Variants in LRIF1 observed in about 807,000 individuals in gnomAD.
LRIF1 encodes ligand-dependent nuclear receptor-interacting factor 1.
Under a neutral mutation model 52.7 loss-of-function variants are expected in LRIF1, and 32 were observed. That is an observed-to-expected ratio of 0.61 (90% CI 0.46 to 0.82). LRIF1 has a LOEUF of 0.82. Ranked by LOEUF, LRIF1 falls within the 40% of genes least tolerant of loss-of-function variation. The probability of loss-of-function intolerance (pLI) is 0.00; values close to 1 mark genes in which losing one functional copy is unlikely to be tolerated. For missense variants in LRIF1, 887 were observed against 892.0 expected, an observed-to-expected ratio of 0.99 and a Z score of 0.07; for synonymous variants, 323 against 317.4, an observed-to-expected ratio of 1.02 and a Z score of -0.19.
At chr1:110,913,254 A>T in the LRIF1 span, among the ~76,000 whole-genome samples, 24 of 152,358 alleles carry the variant, frequency 1.6e-4, no homozygotes, top group Non-Finnish European at 2.6e-4. Context: ...CATTCTAGAC[A>T]TAGGTCTTGG....
chr1:110,911,260 T>C, the LRIF1 span, among the ~76,000 whole-genome samples: 1 of 151,888 alleles, frequency 6.6e-6, no homozygotes, highest in Non-Finnish European at 1.5e-5. Flanking sequence ...AATGGATGAA[T>C]TCTTAGAAGC....
chr1:110,914,361 C>T, the LRIF1 span, among the ~76,000 whole-genome samples: 1 of 152,036 alleles, frequency 6.6e-6, no homozygotes, highest in African/African-American at 2.4e-5. Flanking sequence ...GAGAAAAAGA[C>T]AGATAATCCA....
chr1:110,929,509 T>A, the LRIF1 span, among the ~76,000 whole-genome samples: 88 of 152,346 alleles, frequency 5.8e-4, 1 homozygote, highest in Non-Finnish European at 8.7e-4. Flanking sequence ...ATTTCTCTAC[T>A]GCTCAGTGAT....
chr1:110,898,935 C>A, the LRIF1 span, among the ~76,000 whole-genome samples: 4 of 152,140 alleles, frequency 2.6e-5, no homozygotes, highest in East Asian at 7.7e-4. Flanking sequence ...TCATCATTGA[C>A]CCCGTTTCTC....
intron 3 of LRIF1, among the ~76,000 whole-genome samples, chr1:110,949,494 A>C (rs1438022302): frequency 6.8e-6 from 1 of 147,340 alleles, no homozygotes; most frequent in Non-Finnish European, 1.5e-5. Context: ...ATCTCGGTTC[A>C]CTACAAACTC....
chr1:110,949,955 C>T lies in LRIF1; in HGVS notation c.1765G>A (p.Asp589Asn), dbSNP rs1383791310. 1 of 1,614,084 alleles carries T rather than the reference C, an allele frequency of 6.2e-7. No individual in the cohort carries two copies. The highest frequency in any genetic ancestry group is 8.5e-7 in the Non-Finnish European group (1 of 1,180,008). ...AAACCTTCTCCAGAGGTCAAATGGT[C>T]AGGAATTCGAGTAAGGCACACTCTC... ...DLRVCLTRIP[D>N]HLTSGEGFDS... The change falls in exon 3 of 4, where the codon GAC becomes AAC. Residue 589 changes from aspartate to asparagine, a missense_variant. Physicochemically the swap from Asp to Asn is conservative, Grantham distance 23 (BLOSUM62 1). Transcript: ENST00000369763.
intron 3 of LRIF1, among the ~76,000 whole-genome samples, chr1:110,948,671 T>C (rs1658317671): frequency 6.6e-6 from 1 of 152,212 alleles, no homozygotes; most frequent in Non-Finnish European, 1.5e-5. Context: ...AGAAATATAA[T>C]AGCACTTGTA....
chr1:110,916,015 T>C, the LRIF1 span, among the ~76,000 whole-genome samples: 1 of 152,146 alleles, frequency 6.6e-6, no homozygotes, highest in Non-Finnish European at 1.5e-5. Context: ...GTGGAAAATA[T>C]CTTTTAGCAT....
chr1:110,882,610 C>T, the LRIF1 span, among the ~76,000 whole-genome samples: 1 of 151,960 alleles, frequency 6.6e-6, no homozygotes, highest in Non-Finnish European at 1.5e-5. Flanking sequence ...ACAAAAAATT[C>T]TGCTGTAATA....
the LRIF1 span, among the ~76,000 whole-genome samples, chr1:110,929,922 C>G: frequency 3.3e-5 from 5 of 152,096 alleles, no homozygotes; most frequent in Non-Finnish European, 5.9e-5. Context: ...GTCTCAGCAC[C>G]TGGGTGACGA....
the LRIF1 span, chr1:110,939,717 A>C: frequency 6.6e-6 from 1 of 152,244 alleles, no homozygotes; most frequent in East Asian, 1.9e-4. Context: ...CAAAGGTGCC[A>C]AGAAAATATA....
intron 3 of LRIF1, 134 bp downstream of exon 3, chr1:110,949,717 G>A: frequency 1.0e-6 from 1 of 973,636 alleles, no homozygotes; most frequent in South Asian, 1.7e-5. Context: ...TATCATTTTG[G>A]TATTATGTAT....
the LRIF1 span, among the ~76,000 whole-genome samples, chr1:110,907,081 C>G: frequency 6.6e-6 from 1 of 152,090 alleles, no homozygotes; most frequent in Non-Finnish European, 1.5e-5. Flanking sequence ...AGTCCAAACC[C>G]CTGCACTAAG....
chr1:110,900,123 G>A, the LRIF1 span, among the ~76,000 whole-genome samples: 7 of 152,262 alleles, frequency 4.6e-5, no homozygotes, highest in East Asian at 1.4e-3. Context: ...GGTGATTCTG[G>A]TTCACAGTCT....
chr1:110,913,600 C>T, the LRIF1 span, among the ~76,000 whole-genome samples: 1 of 152,146 alleles, frequency 6.6e-6, no homozygotes, highest in African/African-American at 2.4e-5. Context: ...GATACCATCT[C>T]ACGCCAGTCA....
chr1:110,962,061 T>TACACACACACGTACAC (rs1553212100), intron 1 of LRIF1, among the ~76,000 whole-genome samples: 2 of 143,788 alleles, frequency 1.4e-5, no homozygotes, highest in African/African-American at 5.2e-5. Flanking sequence ...GAGTTAAGGG[T>TACACACACACGTACAC]ACACACACAC....
intron 1 of LRIF1, among the ~76,000 whole-genome samples, chr1:110,960,135 T>C (rs1658887688): frequency 6.6e-6 from 1 of 152,188 alleles, no homozygotes; most frequent in Non-Finnish European, 1.5e-5. Context: ...CATTTTATAC[T>C]TGAGAAAATG....
At chr1:110,942,120 C>T in the LRIF1 span, 3 of 152,094 alleles carry the variant, frequency 2.0e-5, no homozygotes, top group Non-Finnish European at 4.4e-5. Context: ...TTAAATCACT[C>T]TCCTGTGGAT....
At chr1:110,891,515 A>C in the LRIF1 span, 1 of 1,469,160 alleles carries the variant, frequency 6.8e-7, no homozygotes, top group South Asian at 1.1e-5. Context: ...ACCTTTACCC[A>C]GCTAAGCTCT....
Sources: allele counts gnomAD v4.1 joint callset (sites outside exome capture counted in the v4.1 genomes callset), GRCh38; gene constraint gnomAD v4.1.1; transcripts MANE v1.5; gene names NCBI Gene and HGNC (gene_info 2026-07-23, HGNC 2026-07-21).